The following CSMD1 variants were observed in gnomAD, a reference collection of about 807,000 sequenced individuals.
The protein encoded by CSMD1 is CUB and Sushi multiple domains 1, also known as CUB and sushi domain-containing protein 1.
Under a neutral mutation model 417.5 loss-of-function variants are expected in CSMD1, and 213 were observed. The ratio of observed to expected loss-of-function variants is 0.51; its 90% confidence interval spans 0.46 to 0.57. CSMD1 has a LOEUF of 0.57. Ranked by LOEUF, CSMD1 falls within the 20% of genes least tolerant of loss-of-function variation. The probability of loss-of-function intolerance (pLI) is 0.00; values close to 1 mark genes in which losing one functional copy is unlikely to be tolerated. For synonymous variants in CSMD1, 2,862 were observed against 1,736.8 expected (o/e 1.65, Z -16.11); for missense variants, 6,923 against 4,529.7 (o/e 1.53, Z -15.17).
chr8:3,420,386 G>C (rs1386571773), intron 12 of CSMD1, among the ~76,000 whole-genome samples: 2 of 150,192 alleles, frequency 1.3e-5, no homozygotes, highest in African/African-American at 4.9e-5. Flanking sequence ...ACTCAGGGTG[G>C]ATCTGGGTGG....
At chr8:3,647,183 G>A (rs906396556) in intron 7 of CSMD1, among the ~76,000 whole-genome samples, 1 of 152,096 alleles carries the variant, frequency 6.6e-6, no homozygotes, top group Non-Finnish European at 1.5e-5. Context: ...AAGTTCAAGA[G>A]GCACATGTGA....
intron 1 of CSMD1, among the ~76,000 whole-genome samples, chr8:4,890,130 A>C (rs553506814): frequency 6.6e-6 from 1 of 152,284 alleles, no homozygotes; most frequent in South Asian, 2.1e-4. Flanking sequence ...TGGCCTCTAG[A>C]AAAATCCCAT....
intron 3 of CSMD1, among the ~76,000 whole-genome samples, chr8:4,236,250 G>A (rs146477024): frequency 1.9e-3 from 294 of 152,064 alleles, no homozygotes; most frequent in Middle Eastern, 6.8e-3. Context: ...ACCTTCCTGA[G>A]GGGCTTTATT....
At chr8:3,914,502 G>A (rs1808679989) in intron 5 of CSMD1, among the ~76,000 whole-genome samples, 1 of 152,208 alleles carries the variant, frequency 6.6e-6, no homozygotes, top group South Asian at 2.1e-4. Context: ...TGTGCAATCT[G>A]TGTAAAGTTT....
At chr8:4,305,216 G>T (rs561015525) in intron 3 of CSMD1, among the ~76,000 whole-genome samples, 1 of 152,216 alleles carries the variant, frequency 6.6e-6, no homozygotes, top group African/African-American at 2.4e-5. Context: ...CAACAGAGAA[G>T]GATGAAGTGC....
intron 12 of CSMD1, among the ~76,000 whole-genome samples, chr8:3,449,602 C>G (rs763641752): frequency 6.6e-6 from 1 of 151,924 alleles, no homozygotes; most frequent in African/African-American, 2.4e-5. Context: ...ACTGCAAACT[C>G]TGCCTCTTGG....
intron 1 of CSMD1, among the ~76,000 whole-genome samples, chr8:4,647,854 G>T (rs1415148566): frequency 6.6e-6 from 1 of 152,084 alleles, no homozygotes; most frequent in African/African-American, 2.4e-5. Flanking sequence ...CTTTGCTATT[G>T]TAAATAGTAC....
chr8:4,156,472 G>C (rs187047851), intron 3 of CSMD1, among the ~76,000 whole-genome samples: 2 of 152,122 alleles, frequency 1.3e-5, no homozygotes, highest in Non-Finnish European at 2.9e-5. Flanking sequence ...CTTTTATTGA[G>C]CATTTTTATG....
intron 1 of CSMD1, among the ~76,000 whole-genome samples, chr8:4,638,524 A>G (rs1261727940): frequency 6.6e-6 from 1 of 152,212 alleles, no homozygotes; most frequent in Admixed American, 6.5e-5. Context: ...CATCCTCACT[A>G]TTGATGTCTA....
At chr8:3,277,115 G>C (rs954848415) in intron 26 of CSMD1, among the ~76,000 whole-genome samples, 1 of 152,076 alleles carries the variant, frequency 6.6e-6, no homozygotes, top group African/African-American at 2.4e-5. Flanking sequence ...GCTGAGAGAG[G>C]CTAGCATCTG....
chr8:4,920,975 AAAG>A (rs796499869), intron 1 of CSMD1, among the ~76,000 whole-genome samples: 6,740 of 13,872 alleles, frequency 0.49, 1,250 homozygotes, highest in African/African-American at 0.5. Context: ...AGAAAGAAAG[AAAG>A]AAACAAAGAA....
intron 3 of CSMD1, among the ~76,000 whole-genome samples, chr8:4,405,203 C>G (rs1039668838): frequency 1.3e-5 from 2 of 152,158 alleles, no homozygotes; most frequent in African/African-American, 4.8e-5. Context: ...GTATTTTACT[C>G]AAAGGAGACT....
At chr8:4,054,697 T>C (rs1798602215) in intron 3 of CSMD1, among the ~76,000 whole-genome samples, 1 of 152,108 alleles carries the variant, frequency 6.6e-6, no homozygotes, top group Non-Finnish European at 1.5e-5. Context: ...ACATGTGAAT[T>C]CCTGAGGGTG....
intron 5 of CSMD1, among the ~76,000 whole-genome samples, chr8:3,795,951 CATG>C: frequency 2.3e-5 from 1 of 43,486 alleles, no homozygotes; most frequent in Admixed American, 2.6e-4. Flanking sequence ...AGATATCTAT[CATG>C]TACAGATATA....
intron 50 of CSMD1, among the ~76,000 whole-genome samples, chr8:3,044,306 A>G (rs754055481): frequency 6.6e-6 from 1 of 152,168 alleles, no homozygotes; most frequent in Non-Finnish European, 1.5e-5. Flanking sequence ...GTTGCATGAA[A>G]AGGTGATTGC....
intron 18 of CSMD1, among the ~76,000 whole-genome samples, chr8:3,386,469 G>C (rs772031966): frequency 3.3e-5 from 5 of 152,204 alleles, no homozygotes; most frequent in African/African-American, 9.6e-5. Context: ...CTCGGCCACA[G>C]TGCCAGTTAC....
At chr8:4,286,037 G>C (rs549336934) in intron 3 of CSMD1, among the ~76,000 whole-genome samples, 2 of 152,246 alleles carry the variant, frequency 1.3e-5, no homozygotes, top group Non-Finnish European at 2.9e-5. Flanking sequence ...CCTTGGCTTA[G>C]TGGAATTTGT....
chr8:4,880,603 G>T (rs894293705), intron 1 of CSMD1, among the ~76,000 whole-genome samples: 1 of 151,954 alleles, frequency 6.6e-6, no homozygotes, highest in Non-Finnish European at 1.5e-5. Flanking sequence ...AGCCCACATT[G>T]CCTCTATTGG....
chr8:4,194,812 T>G (rs1799235401), intron 3 of CSMD1, among the ~76,000 whole-genome samples: 1 of 151,946 alleles, frequency 6.6e-6, no homozygotes, highest in South Asian at 2.1e-4. Context: ...TCACTATGAG[T>G]TCTGCAAAGA....
Sources: allele counts gnomAD v4.1 joint callset (sites outside exome capture counted in the v4.1 genomes callset), GRCh38; gene constraint gnomAD v4.1.1; transcripts MANE v1.5; gene names NCBI Gene and HGNC (gene_info 2026-07-23, HGNC 2026-07-21).